Variants in CHD2 observed in about 807,000 individuals in gnomAD.
CHD2 encodes the protein chromodomain helicase DNA binding protein 2, also known as ATP-dependent chromatin remodeler CHD2.
In CHD2, 28 loss-of-function variants were observed where a neutral mutation model predicts 243.9. The observed-to-expected ratio is 0.11, with a 90% CI of 0.09 to 0.16. The LOEUF (loss-of-function observed/expected upper bound fraction) is 0.16, where lower values mean the gene tolerates loss of function less well. CHD2 is among the 10% of genes least tolerant of loss of function. The pLI, the probability that CHD2 is intolerant of heterozygous loss-of-function variation, is 1.00. For synonymous variants in CHD2, 775 were observed against 779.0 expected (o/e 0.99, Z 0.09); for missense variants, 1,386 against 2,209.8 (o/e 0.63, Z 7.47).
At chr15:92,915,661 T>C (rs2052820672) in intron 2 of CHD2, among the ~76,000 whole-genome samples, 1 of 152,250 alleles carries the variant, frequency 6.6e-6, no homozygotes, top group Non-Finnish European at 1.5e-5. Context: ...AAAATGTACA[T>C]GGTTATGTAA....
At chr15:92,984,301 A>G in intron 24 of CHD2, 29 bp from the exon 25 acceptor site, 1 of 1,487,568 alleles carries the variant, frequency 6.7e-7, no homozygotes, top group Non-Finnish European at 9.0e-7. Flanking sequence ...AAATAGGGAA[A>G]TGTCAGACAA....
chr15:92,931,157 A>G (rs1427177253), intron 5 of CHD2, among the ~76,000 whole-genome samples: 3 of 152,234 alleles, frequency 2.0e-5, no homozygotes, highest in Non-Finnish European at 4.4e-5. Context: ...ACTCACTCAG[A>G]GAGTGAAAGG....
At chr15:92,975,159 G>A (rs1404167274) in intron 20 of CHD2, among the ~76,000 whole-genome samples, 1 of 152,110 alleles carries the variant, frequency 6.6e-6, no homozygotes, top group Non-Finnish European at 1.5e-5. Context: ...CCCTGTTCTG[G>A]GTTGACAACA....
intron 34 of CHD2, among the ~76,000 whole-genome samples, chr15:93,006,540 T>C (rs764142118): frequency 3.9e-5 from 6 of 152,250 alleles, no homozygotes; most frequent in South Asian, 2.1e-4. Flanking sequence ...ATAGCTCACA[T>C]TAATAGCCAG....
chr15:93,023,933 A>C (rs1283544940), intron 38 of CHD2, among the ~76,000 whole-genome samples: 2 of 152,064 alleles, frequency 1.3e-5, no homozygotes, highest in Non-Finnish European at 2.9e-5. Flanking sequence ...CCAAGCTAAA[A>C]ATTTTAATAC....
At chr15:92,981,156 G>C (rs1234353472) in intron 23 of CHD2, among the ~76,000 whole-genome samples, 2 of 152,074 alleles carry the variant, frequency 1.3e-5, no homozygotes, top group Non-Finnish European at 2.9e-5. Context: ...TTTAATTTTT[G>C]AAGTTTCACC....
intron 12 of CHD2, chr15:92,947,508 C>CT (rs891927079): frequency 1.3e-5 from 2 of 152,220 alleles, no homozygotes; most frequent in African/African-American, 2.4e-5. Flanking sequence ...GGTATTTTGA[C>CT]TTTATCTCCT....
intron 20 of CHD2, among the ~76,000 whole-genome samples, chr15:92,976,737 C>CA (rs1027310869): frequency 6.6e-6 from 1 of 150,834 alleles, no homozygotes; most frequent in East Asian, 1.9e-4. Flanking sequence ...CCTATCTCTA[C>CA]AAAAAATTAA....
chr15:92,947,708 A>G (rs943531295), intron 12 of CHD2: 1 of 152,334 alleles, frequency 6.6e-6, no homozygotes, highest in South Asian at 2.1e-4. Context: ...GTGGCGTGGA[A>G]GGAGTGGATG....
At position 93,000,518 on chromosome 15, in the gene CHD2, T is replaced by C. The variant is rs764733107; in HGVS notation, c.4015T>C (p.Leu1339=). The C allele has an allele frequency of 3.7e-6, 6 of 1,607,200 alleles. No homozygotes were observed. The South Asian group carries it at 5.5e-5, about 15-fold the overall frequency. Residue 1339 remains leucine (L), a synonymous_variant, in exon 32 of 39, where the codon TTA becomes CTA. Coordinates refer to ENST00000394196, the MANE Select transcript of CHD2 (RefSeq NM_001271.4). ...ATTTTCTCTCCTTTTCCAGGCCAAA[T>C]TAAAGAAGCGGAAGCCTCGGGTAAA... ...GAVTGGEEAK[L]KKRKPRVKKE... is the part of the protein sequence containing the mutation.
At chr15:92,946,284 T>C (rs1367637368) in intron 12 of CHD2, 68 bp downstream of exon 12, 3 of 1,224,340 alleles carry the variant, frequency 2.5e-6, no homozygotes, top group East Asian at 2.5e-5. Flanking sequence ...TGGACACATA[T>C]GTGCTGAGAA....
At chr15:92,955,143 G>C (rs191852322) in intron 14 of CHD2, among the ~76,000 whole-genome samples, 15 of 152,268 alleles carry the variant, frequency 9.9e-5, no homozygotes, top group Admixed American at 3.3e-4. Flanking sequence ...GGGTTCAGTA[G>C]CTGATGAAGT....
chr15:92,914,835 C>A (rs540917451), intron 2 of CHD2: 1 of 152,178 alleles, frequency 6.6e-6, no homozygotes, highest in South Asian at 2.1e-4. Context: ...GTGGAACAAT[C>A]GGTTTTTATA....
At chr15:92,925,262 T>G (rs2053037455) in intron 3 of CHD2, among the ~76,000 whole-genome samples, 1 of 152,234 alleles carries the variant, frequency 6.6e-6, no homozygotes, top group South Asian at 2.1e-4. Flanking sequence ...GTTTTCTATG[T>G]ACACCTCCTT....
intron 2 of CHD2, among the ~76,000 whole-genome samples, chr15:92,910,082 C>T (rs528516888): frequency 1.3e-5 from 2 of 151,982 alleles, no homozygotes; most frequent in East Asian, 3.9e-4. Context: ...TTTCGGTTCA[C>T]TGCAACCTCC....
At chr15:93,012,183 T>C (rs575352300) in intron 35 of CHD2, among the ~76,000 whole-genome samples, 162 bp from the exon 36 acceptor site, 25 of 152,364 alleles carry the variant, frequency 1.6e-4, no homozygotes, top group African/African-American at 4.8e-4. Context: ...TAGGACTTAC[T>C]GTATTATTAA....
At chr15:92,917,992 C>G (rs1168857857) in intron 2 of CHD2, among the ~76,000 whole-genome samples, 1 of 152,208 alleles carries the variant, frequency 6.6e-6, no homozygotes, top group Non-Finnish European at 1.5e-5. Context: ...CCCACAAAAA[C>G]ACTAAGCTCT....
chr15:93,018,650 G>T (rs2054492162), intron 37 of CHD2, among the ~76,000 whole-genome samples: 1 of 152,204 alleles, frequency 6.6e-6, no homozygotes, highest in Non-Finnish European at 1.5e-5. Flanking sequence ...AGCAGGGTTG[G>T]TTCCTTCTGG....
chr15:92,973,972 G>T (rs749921095), intron 19 of CHD2: 3 of 152,214 alleles, frequency 2.0e-5, no homozygotes, highest in Non-Finnish European at 4.4e-5. Context: ...CTTGAGTTAG[G>T]TCTGGTGGGC....
Sources: allele counts gnomAD v4.1 joint callset (sites outside exome capture counted in the v4.1 genomes callset), GRCh38; gene constraint gnomAD v4.1.1; transcripts MANE v1.5; gene names NCBI Gene and HGNC (gene_info 2026-07-23, HGNC 2026-07-21).